TTC39C: variants seen among roughly 807,000 people sequenced by gnomAD.
TTC39C encodes the protein tetratricopeptide repeat protein 39C.
A neutral mutation model predicts 76.3 loss-of-function variants in TTC39C; 33 were observed. The ratio of observed to expected loss-of-function variants is 0.43; its 90% CI spans 0.33 to 0.58. TTC39C has a LOEUF of 0.58. TTC39C is among the 20% of genes least tolerant of loss of function. The pLI, the probability that TTC39C is intolerant of heterozygous loss-of-function variation, is 0.04. For missense variants in TTC39C, 595 were observed against 701.4 expected, an observed-to-expected ratio of 0.85 and a Z score of 1.71; for synonymous variants, 254 against 260.6, an observed-to-expected ratio of 0.97 and a Z score of 0.24.
intron 2 of TTC39C, 131 bp from the exon 3 acceptor site, chr18:24,065,881 G>T: frequency 2.1e-6 from 2 of 939,906 alleles, no homozygotes; most frequent in Non-Finnish European, 3.1e-6. Context: ...AGATTATGCT[G>T]TAACATTGTG....
intron 1 of TTC39C, among the ~76,000 whole-genome samples, chr18:23,998,466 C>T (rs911888249): frequency 2.6e-5 from 4 of 152,020 alleles, no homozygotes; most frequent in Admixed American, 6.5e-5. Context: ...GAAAATTAGC[C>T]GAGTGTGATG....
At chr18:24,016,748 C>T (rs1369170558) in intron 1 of TTC39C, 4 of 398,516 alleles carry the variant, frequency 1.0e-5, no homozygotes, top group East Asian at 3.6e-5. Context: ...TGGGTGAGTG[C>T]GTTGGAGGTG....
intron 3 of TTC39C, among the ~76,000 whole-genome samples, chr18:24,068,728 A>G (rs2084200089): frequency 6.6e-6 from 1 of 152,230 alleles, no homozygotes. Context: ...ATGCACGAAA[A>G]GAATGCCCCT....
chr18:24,103,401 C>G (rs953818446), intron 6 of TTC39C, among the ~76,000 whole-genome samples: 2 of 152,136 alleles, frequency 1.3e-5, no homozygotes, highest in Non-Finnish European at 2.9e-5. Context: ...CCTGAAAGGA[C>G]AAATGGAGAT....
Position 24,125,522 on chromosome 18 carries a change from C to G in TTC39C, c.1392C>G (p.Ser464=). 6.2e-7 allele frequency: 1 copy of G among 1,614,176 alleles called. No individual in the cohort carries two copies. The highest frequency in any genetic ancestry group is 8.5e-7 in the Non-Finnish European group (1 of 1,180,034). ...LYLWKALPNC[S]FPNLQRMSQA... ...TGTGGAAAGCTCTTCCAAACTGTTC[C>G]TTCCCCAACCTGCAGAGGATGAGTC... Residue 464 remains serine, a synonymous_variant, in exon 10 of 14, where the codon TCC becomes TCG. Coordinates refer to ENST00000317571, the MANE Select transcript of TTC39C (RefSeq NM_001135993.2).
chr18:24,040,239 G>A (rs73402271), intron 1 of TTC39C, among the ~76,000 whole-genome samples: 1,564 of 152,310 alleles, frequency 0.01, 23 homozygotes, highest in South Asian at 0.033. Context: ...TGAGGCTTTC[G>A]CTTTGTGAGT....
intron 1 of TTC39C, among the ~76,000 whole-genome samples, chr18:24,024,002 A>ATTTT (rs2083562942): frequency 4.7e-4 from 2 of 4,250 alleles, no homozygotes; most frequent in Non-Finnish European, 1.1e-3. Flanking sequence ...ATATATATAT[A>ATTTT]TATATATATA....
intron 1 of TTC39C, among the ~76,000 whole-genome samples, chr18:24,039,569 C>T (rs532566456): frequency 9.1e-4 from 139 of 152,312 alleles, no homozygotes; most frequent in Middle Eastern, 6.8e-3. Flanking sequence ...TGGCCTCAAG[C>T]GATCCTCTTG....
At chr18:24,063,758 C>G (rs1027486451) in intron 1 of TTC39C, among the ~76,000 whole-genome samples, 8 of 152,172 alleles carry the variant, frequency 5.3e-5, no homozygotes, top group Admixed American at 6.5e-5. Context: ...AGGTAATCTG[C>G]CTGCCTCAGC....
chr18:23,997,998 TG>T (rs2145623129), intron 1 of TTC39C, among the ~76,000 whole-genome samples: 1 of 152,312 alleles, frequency 6.6e-6, no homozygotes, highest in East Asian at 1.9e-4. Flanking sequence ...CAGGATAGTG[TG>T]TTTTTGTATA....
At chr18:24,074,946 A>G (rs886248198) in intron 4 of TTC39C, among the ~76,000 whole-genome samples, 1 of 152,230 alleles carries the variant, frequency 6.6e-6, no homozygotes, top group Non-Finnish European at 1.5e-5. Flanking sequence ...TGTGGCACAT[A>G]TACACCATGG....
intron 1 of TTC39C, among the ~76,000 whole-genome samples, chr18:24,035,463 G>T (rs2083720094): frequency 6.6e-6 from 1 of 152,152 alleles, no homozygotes; most frequent in Admixed American, 6.5e-5. Context: ...TTCTTGATTT[G>T]TTCTGGATAA....
rs2083429186 is a variant in TTC39C at position 24,014,793 on chromosome 18, A to G, written c.-79A>G. ...GCTCCGCTTGGCTCCGGGCAGGTAGAGCCGGGCTCCGGGCGCGCGCGGGGC... is the reference window on the plus strand; with the variant it reads ...GCTCCGCTTGGCTCCGGGCAGGTAGGGCCGGGCTCCGGGCGCGCGCGGGGC... On this transcript the variant is annotated 5_prime_UTR_variant, in exon 1 of 14. Coordinates refer to ENST00000317571, the MANE Select transcript of TTC39C (RefSeq NM_001135993.2). The G allele has an allele frequency of 8.5e-7, 1 of 1,174,148 alleles. No homozygotes were observed. The highest frequency in any genetic ancestry group is 4.0e-5 in the East Asian group (1 of 25,010). 72.7% of individuals were successfully genotyped at this position (1,174,148 alleles called of 1,614,324 possible).
intron 8 of TTC39C, among the ~76,000 whole-genome samples, chr18:24,120,218 C>T (rs911323240): frequency 5.9e-5 from 9 of 152,174 alleles, no homozygotes; most frequent in South Asian, 2.1e-4. Context: ...GGCGTGGTGG[C>T]GCACACCTGT....
intron 1 of TTC39C, among the ~76,000 whole-genome samples, chr18:23,997,665 A>AGAAG (rs1555762745): frequency 1.1e-3 from 135 of 118,652 alleles, no homozygotes; most frequent in African/African-American, 3.5e-3. Context: ...AAAGAAAGAA[A>AGAAG]GAAAGAAAGA....
intron 12 of TTC39C, among the ~76,000 whole-genome samples, 169 bp downstream of exon 12, chr18:24,130,586 C>T (rs573002170): frequency 3.4e-4 from 51 of 152,176 alleles, no homozygotes; most frequent in African/African-American, 1.2e-3. Context: ...AGTAATACTA[C>T]CTTATTATCT....
At chr18:24,007,770 C>T (rs567954050) in intron 1 of TTC39C, among the ~76,000 whole-genome samples, 3 of 152,188 alleles carry the variant, frequency 2.0e-5, no homozygotes, top group South Asian at 2.1e-4. Context: ...TGTTTATATT[C>T]GAAACAGTTT....
intron 4 of TTC39C, among the ~76,000 whole-genome samples, chr18:24,071,787 T>C (rs2084244428): frequency 6.6e-6 from 1 of 152,248 alleles, no homozygotes; most frequent in Admixed American, 6.5e-5. Flanking sequence ...TCACAAATTA[T>C]CTTTACAGCC....
At chr18:24,130,267 T>G (rs2085107832) in intron 11 of TTC39C, 46 bp from the exon 12 acceptor site, 1 of 1,080,776 alleles carries the variant, frequency 9.3e-7, no homozygotes, top group African/African-American at 1.6e-5. Context: ...AGCCTTATGC[T>G]AAGTAGGAAA....
Sources: allele counts gnomAD v4.1 joint callset (sites outside exome capture counted in the v4.1 genomes callset), GRCh38; gene constraint gnomAD v4.1.1; transcripts MANE v1.5; gene names NCBI Gene and HGNC (gene_info 2026-07-23, HGNC 2026-07-21).